RAB10: variants seen among roughly 807,000 people sequenced by gnomAD.
RAB10 encodes ras-related protein Rab-10.
RAB10 carries 5 observed loss-of-function variants against 25.7 expected under a neutral mutation model. The observed-to-expected ratio is 0.19, with a 90% CI of 0.10 to 0.41. The LOEUF (loss-of-function observed/expected upper bound fraction) is 0.41, where lower values mean the gene tolerates loss of function less well. Ranked by LOEUF, RAB10 falls within the 10% of genes least tolerant of loss-of-function variation. The pLI is 1.00. For synonymous variants in RAB10, 89 were observed against 86.4 expected (o/e 1.03, Z -0.16); for missense variants, 103 against 245.8 (o/e 0.42, Z 3.89).
At chr2:26,132,897 T>A (rs956069492) in intron 5 of RAB10, among the ~76,000 whole-genome samples, 1 of 152,174 alleles carries the variant, frequency 6.6e-6, no homozygotes, top group Non-Finnish European at 1.5e-5. Flanking sequence ...GAGAGTATTT[T>A]CAGTGCAACT....
Position 26,077,211 on chromosome 2 carries a change from GTTTA to G in RAB10, c.128-21447_128-21444del, listed in dbSNP as rs1350122005. 4.6e-5 allele frequency among the ~76,000 whole-genome samples: 7 copies of G among 152,222 alleles called. No individual in the cohort carries two copies. In the East Asian group the frequency reaches 1.4e-3, roughly 29 times the overall value. On this transcript the variant is annotated intron_variant, in intron 1 of 5. Coordinates refer to ENST00000264710, the MANE Select transcript of RAB10 (RefSeq NM_016131.5). ...TAAAAAATCGTGTGAAATGTAAATT[GTTTA>G]TTTTTTTGTTAAAAGTACATGTGTA...
At chr2:26,103,140 G>C (rs1298724121) in intron 2 of RAB10, among the ~76,000 whole-genome samples, 3 of 152,166 alleles carry the variant, frequency 2.0e-5, no homozygotes, top group Non-Finnish European at 4.4e-5. Context: ...AGCTGGGAGG[G>C]GTAGAACCTG....
At chr2:26,123,326 CA>C (rs1308441234) in intron 3 of RAB10, among the ~76,000 whole-genome samples, 1 of 152,126 alleles carries the variant, frequency 6.6e-6, no homozygotes, top group East Asian at 1.9e-4. Context: ...GCATCTAGAT[CA>C]GGGGATCATG....
At chr2:26,040,812 T>C (rs1464897405) in intron 1 of RAB10, among the ~76,000 whole-genome samples, 1 of 152,198 alleles carries the variant, frequency 6.6e-6, no homozygotes, top group African/African-American at 2.4e-5. Flanking sequence ...GAAGAAATAA[T>C]TTTTATAGAT....
intron 1 of RAB10, among the ~76,000 whole-genome samples, chr2:26,070,369 T>A (rs755451894): frequency 3.6e-4 from 55 of 152,242 alleles, no homozygotes; most frequent in Non-Finnish European, 2.5e-4. Context: ...TATCTGTTTT[T>A]CACCTGTTTT....
rs906964151 is a variant in RAB10 at position 26,096,141 on chromosome 2, C to T, written c.128-2521C>T. Reference sequence around the variant, plus strand: ...TCAGTTTATTGGGACTGCTCTATTGCTGGGATTGAATAACTCAAATTTGTC... The same window carrying T: ...TCAGTTTATTGGGACTGCTCTATTGTTGGGATTGAATAACTCAAATTTGTC... On this transcript the variant is annotated intron_variant, in intron 1 of 5. Coordinates refer to ENST00000264710, the MANE Select transcript of RAB10 (RefSeq NM_016131.5). Among the ~76,000 whole-genome samples, 5 of 152,128 alleles carry T rather than the reference C, an allele frequency of 3.3e-5. No individual in the cohort carries two copies. The South Asian group carries it at 1.0e-3, about 32-fold the overall frequency.
chr2:26,127,277 A>G (rs745684297), intron 4 of RAB10, 44 bp downstream of exon 4: 9 of 1,348,258 alleles, frequency 6.7e-6, no homozygotes, highest in Non-Finnish European at 9.3e-6. Flanking sequence ...GTCTTTGTAA[A>G]GGTAATGCTA....
intron 3 of RAB10, among the ~76,000 whole-genome samples, chr2:26,112,013 A>G (rs1667582612): frequency 6.6e-6 from 1 of 152,168 alleles, no homozygotes; most frequent in Non-Finnish European, 1.5e-5. Flanking sequence ...AAAATGCTAT[A>G]CTTGGGATTA....
chr2:26,119,834 A>G (rs1667765418), intron 3 of RAB10, among the ~76,000 whole-genome samples: 1 of 152,174 alleles, frequency 6.6e-6, no homozygotes, highest in South Asian at 2.1e-4. Flanking sequence ...ACTTTCAAAT[A>G]TATTTTTGAG....
At position 26,136,217 on chromosome 2, in the gene RAB10, A is replaced by T. The variant is rs1487549292; in HGVS notation, c.*1196A>T. 6.6e-6 allele frequency: 1 copy of T among 152,628 alleles called. No homozygotes were observed. The highest frequency in any genetic ancestry group is 1.5e-5 in the Non-Finnish European group (1 of 68,032). 9.5% of individuals were successfully genotyped at this position (152,628 alleles called of 1,614,324 possible). ...AAATTTGAGTAGTCTGCATTTTGGC[A>T]ACTCCTCTAGCAGCTTGGTAGCCTA... On this transcript the variant is annotated 3_prime_UTR_variant, in exon 6 of 6. Coordinates refer to ENST00000264710, the MANE Select transcript of RAB10 (RefSeq NM_016131.5).
At chr2:26,071,009 T>C (rs6546736) in intron 1 of RAB10, among the ~76,000 whole-genome samples, 117,274 of 152,118 alleles carry the variant, frequency 0.77, 45,260 homozygotes, top group East Asian at 0.87. Context: ...ATCAAGACAA[T>C]GGAACCAAGC....
intron 1 of RAB10, among the ~76,000 whole-genome samples, chr2:26,068,747 G>C (rs1285566641): frequency 2.0e-5 from 3 of 152,158 alleles, no homozygotes; most frequent in Admixed American, 1.3e-4. Context: ...CTTAACTCTG[G>C]TTAACATATG....
chr2:26,046,129 A>G (rs1447939045), intron 1 of RAB10, among the ~76,000 whole-genome samples: 1 of 152,232 alleles, frequency 6.6e-6, no homozygotes, highest in East Asian at 1.9e-4. Flanking sequence ...GTTCGAGACC[A>G]GCCTGACCAA....
At chr2:26,037,145 C>A (rs1665779671) in intron 1 of RAB10, among the ~76,000 whole-genome samples, 1 of 152,144 alleles carries the variant, frequency 6.6e-6, no homozygotes, top group Non-Finnish European at 1.5e-5. Context: ...TCTGTCTACT[C>A]CAATCTTTTT....
chr2:26,053,180 T>G (rs10202478), intron 1 of RAB10, among the ~76,000 whole-genome samples: 11 of 152,038 alleles, frequency 7.2e-5, no homozygotes, highest in African/African-American at 2.4e-4. Flanking sequence ...TTTTAAAACT[T>G]GTAACATTAG....
intron 2 of RAB10, among the ~76,000 whole-genome samples, chr2:26,106,362 A>G (rs1667462966): frequency 6.6e-6 from 1 of 152,194 alleles, no homozygotes; most frequent in Non-Finnish European, 1.5e-5. Flanking sequence ...GTAATCTAGG[A>G]CAGTATGGTA....
chr2:26,055,119 C>A (rs1051142936), intron 1 of RAB10, among the ~76,000 whole-genome samples: 3 of 151,848 alleles, frequency 2.0e-5, no homozygotes, highest in Admixed American at 2.0e-4. Flanking sequence ...TGTTAGGCAC[C>A]CTCTACTAAG....
chr2:26,057,442 AAAAAAAT>A (rs1228738101), intron 1 of RAB10, among the ~76,000 whole-genome samples: 1 of 151,542 alleles, frequency 6.6e-6, no homozygotes, highest in African/African-American at 2.4e-5. Context: ...CTAAAAAAAA[AAAAAAAT>A]TAAAAAATAA....
At chr2:26,114,250 A>G (rs1377951500) in intron 3 of RAB10, among the ~76,000 whole-genome samples, 2 of 152,138 alleles carry the variant, frequency 1.3e-5, no homozygotes, top group African/African-American at 2.4e-5. Flanking sequence ...CCCTAAAACT[A>G]ATATAGAAAG....
Sources: gnomAD v4.1 joint callset for allele counts (sites outside exome capture counted in the v4.1 genomes callset) on GRCh38, gnomAD v4.1.1 for gene constraint, MANE v1.5 for transcripts, NCBI Gene and HGNC (gene_info 2026-07-23, HGNC 2026-07-21) for gene names.